The following ZNF705G variants were observed in gnomAD, a reference collection of about 807,000 sequenced individuals.
ZNF705G encodes putative zinc finger protein 705G.
A neutral mutation model predicts 19.6 loss-of-function variants in ZNF705G; 23 were observed. The ratio of observed to expected loss-of-function variants is 1.17; its 90% CI spans 0.84 to 1.66. The LOEUF is 1.66. Ranked by LOEUF, ZNF705G falls within the 40% of genes most tolerant of loss-of-function variation. The pLI is 0.00. For missense variants in ZNF705G, 457 were observed against 354.4 expected (o/e 1.29, Z -2.32); for synonymous variants, 146 against 117.7 (o/e 1.24, Z -1.56).
At chr8:7,380,530 T>C (rs1585430096) in intron 2 of ZNF705G, among the ~76,000 whole-genome samples, 2 of 147,512 alleles carry the variant, frequency 1.4e-5, no homozygotes, top group South Asian at 4.2e-4. Flanking sequence ...ATCACAGCTG[T>C]CACCAGTGCC....
At chr8:7,370,368 A>T (rs1324126678) in intron 2 of ZNF705G, among the ~76,000 whole-genome samples, 2 of 149,496 alleles carry the variant, frequency 1.3e-5, no homozygotes, top group Admixed American at 6.6e-5. Context: ...ACCATCTCTA[A>T]TCATCAGGGG....
intron 2 of ZNF705G, among the ~76,000 whole-genome samples, chr8:7,371,302 G>A (rs1210934063): frequency 1.6e-5 from 2 of 125,030 alleles, no homozygotes; most frequent in South Asian, 2.8e-4. Context: ...GTGGTTGCCA[G>A]GGGCCGTGGT....
At chr8:7,359,163 G>T (rs1806445016) in intron 6 of ZNF705G, among the ~76,000 whole-genome samples, 1 of 149,420 alleles carries the variant, frequency 6.7e-6, no homozygotes, top group South Asian at 2.1e-4. Context: ...CTTTAAATTT[G>T]GAGCCTTCAA....
Position 7,357,908 on chromosome 8 carries a change from C to G in ZNF705G, c.*68G>C. ...TTTCTGATGCTCTTTAAGATTAGTA[C>G]ATTGTCTGAAGGCTTTCCCACATAA... is the stretch of plus-strand genomic sequence containing the variant. On this transcript the variant is annotated 3_prime_UTR_variant, in exon 7 of 7. Coordinates refer to ENST00000400156, the MANE Select transcript of ZNF705G (RefSeq NM_001164457.3). The G allele has an allele frequency of 6.3e-7, 1 of 1,596,958 alleles. No individual in the cohort carries two copies. The highest frequency in any genetic ancestry group is 8.5e-7 in the Non-Finnish European group (1 of 1,175,710).
chr8:7,359,285 A>C (rs1421772374), intron 6 of ZNF705G, among the ~76,000 whole-genome samples: 2 of 149,674 alleles, frequency 1.3e-5, no homozygotes, highest in African/African-American at 2.6e-5. Context: ...CTCGATTGAC[A>C]ATTGCATACA....
chr8:7,367,579 ACT>A (rs1285676935), intron 2 of ZNF705G, among the ~76,000 whole-genome samples: 1 of 149,396 alleles, frequency 6.7e-6, no homozygotes, highest in East Asian at 1.9e-4. Context: ...CATGCCGGAA[ACT>A]CTCCCTAAAG....
At position 7,383,646 on chromosome 8, in the gene ZNF705G, A is replaced by G. The variant is rs552341897; in HGVS notation, c.-222+1852T>C. Among the ~76,000 whole-genome samples, 131 of 148,834 alleles carry G rather than the reference A, an allele frequency of 8.8e-4. 3 individuals are homozygous for G. The highest frequency in any genetic ancestry group is 3.2e-3 in the African/African-American group (122 of 38,220). ...CCCCCAAAGTGGTGATGATATTACA[A>G]GGTGCGGGCTTTGAGGAGGTGATTA... On this transcript the variant is annotated intron_variant, in intron 1 of 6. Transcript: ENST00000400156.
At chr8:7,380,187 G>A (rs1470445194) in intron 2 of ZNF705G, among the ~76,000 whole-genome samples, 1 of 142,828 alleles carries the variant, frequency 7.0e-6, no homozygotes, top group African/African-American at 3.0e-5. Flanking sequence ...CTGGCCCCCA[G>A]GAGCAGGGCC....
chr8:7,360,899 C>A (rs1585409689), intron 4 of ZNF705G, among the ~76,000 whole-genome samples: 1 of 149,546 alleles, frequency 6.7e-6, no homozygotes, highest in East Asian at 1.9e-4. Flanking sequence ...GTCAAGACTA[C>A]ATTCTAATTG....
chr8:7,381,871 C>T (rs1440555015), intron 1 of ZNF705G, among the ~76,000 whole-genome samples: 1 of 151,124 alleles, frequency 6.6e-6, no homozygotes, highest in Non-Finnish European at 1.5e-5. Flanking sequence ...TGCGCATGTA[C>T]CTACTGTATC....
intron 1 of ZNF705G, among the ~76,000 whole-genome samples, chr8:7,382,407 C>A (rs760263180): frequency 6.8e-6 from 1 of 146,596 alleles, no homozygotes; most frequent in Non-Finnish European, 1.5e-5. Context: ...AGGTTTGGTG[C>A]CTTTTTTCCC....
At chr8:7,374,847 C>A (rs1807197989) in intron 2 of ZNF705G, among the ~76,000 whole-genome samples, 1 of 87,902 alleles carries the variant, frequency 1.1e-5, no homozygotes. Flanking sequence ...GTAACTCTAT[C>A]TTTTGTTCCT....
Position 7,358,377 on chromosome 8 carries a change from T to A in ZNF705G, c.502A>T (p.Lys168Ter), listed in dbSNP as rs774280660. ...STEPHKQIHT[K>*]GKSYQCNLCE... ...AGATTACACTGATATGATTTACCTT[T>A]AGTATGAATTTGTTTATGTGGTTCA... The change falls in exon 7 of 7, where the codon AAA (lysine) becomes TAA (stop). Residue 168 changes from lysine (K) to a stop codon, truncating the protein, a stop_gained. Transcript: ENST00000400156. LOFTEE classifies it high-confidence loss of function. The A allele has an allele frequency of 1.2e-6, 2 of 1,607,532 alleles. No individual in the cohort carries two copies. Among genetic ancestry groups the A allele is most frequent in the African/African-American group, 2.8e-5 (2 of 71,198 alleles).
intron 1 of ZNF705G, among the ~76,000 whole-genome samples, chr8:7,383,648 G>T (rs1479512743): frequency 1.0e-4 from 15 of 148,778 alleles, no homozygotes; most frequent in Admixed American, 5.9e-4. Context: ...ATATTACAAG[G>T]TGCGGGCTTT....
chr8:7,382,999 C>A (rs1807567016), intron 1 of ZNF705G, among the ~76,000 whole-genome samples: 1 of 148,008 alleles, frequency 6.8e-6, no homozygotes, highest in African/African-American at 2.7e-5. Context: ...GAACTCATAC[C>A]CTAGCTCCCA....
At chr8:7,376,840 T>G (rs1807260703) in intron 2 of ZNF705G, among the ~76,000 whole-genome samples, 1 of 148,916 alleles carries the variant, frequency 6.7e-6, no homozygotes, top group Non-Finnish European at 1.5e-5. Flanking sequence ...TCAGTTCTAC[T>G]TTTGAAAGAT....
intron 2 of ZNF705G, among the ~76,000 whole-genome samples, chr8:7,369,040 C>G (rs1351121794): frequency 6.7e-6 from 1 of 149,548 alleles, no homozygotes; most frequent in Non-Finnish European, 1.5e-5. Context: ...TGTCTTACAT[C>G]ACAGCAGGCA....
At chr8:7,361,965 C>G (rs57656557) in intron 3 of ZNF705G, among the ~76,000 whole-genome samples, 1 of 149,536 alleles carries the variant, frequency 6.7e-6, no homozygotes, top group Non-Finnish European at 1.5e-5. Context: ...AAGACAAGAC[C>G]GCTGAGGCTG....
intron 2 of ZNF705G, among the ~76,000 whole-genome samples, chr8:7,363,239 T>A (rs553944293): frequency 3.4e-5 from 5 of 148,486 alleles, no homozygotes; most frequent in Admixed American, 6.6e-5. Context: ...ATCTTGTGAA[T>A]GAGAACATCA....
Sources: gnomAD v4.1 joint callset for allele counts (sites outside exome capture counted in the v4.1 genomes callset) on GRCh38, gnomAD v4.1.1 for gene constraint, MANE v1.5 for transcripts, NCBI Gene and HGNC (gene_info 2026-07-23, HGNC 2026-07-21) for gene names.